CD36: variants seen among roughly 807,000 people sequenced by gnomAD.
CD36 encodes the protein platelet glycoprotein 4.
A neutral mutation model predicts 55.2 loss-of-function variants in CD36; 119 were observed. The ratio of observed to expected loss-of-function variants is 2.15; its 90% CI spans 1.86 to 2.51. The LOEUF (loss-of-function observed/expected upper bound fraction) is 2.51. Ranked by LOEUF, CD36 falls within the 30% of genes most tolerant of loss-of-function variation. The pLI is 0.00. For synonymous variants in CD36, 186 were observed against 193.6 expected, an observed-to-expected ratio of 0.96 and a Z score of 0.33; for missense variants, 819 against 555.5, an observed-to-expected ratio of 1.47 and a Z score of -4.77.
At chr7:80,670,549 C>T in intron 9 of CD36, 1 of 230,084 alleles carries the variant, frequency 4.3e-6, no homozygotes, top group Non-Finnish European at 8.6e-6. Flanking sequence ...GTATTGAACC[C>T]TATGATAGAC....
At chr7:80,608,029 C>T (rs1792665245) in intron 1 of CD36, among the ~76,000 whole-genome samples, 1 of 152,108 alleles carries the variant, frequency 6.6e-6, no homozygotes, top group Non-Finnish European at 1.5e-5. Context: ...CTCGGCCTCT[C>T]AAAGTGCTGG....
intron 3 of CD36, among the ~76,000 whole-genome samples, chr7:80,650,535 T>C (rs993813468): frequency 1.3e-5 from 2 of 152,178 alleles, no homozygotes; most frequent in Non-Finnish European, 2.9e-5. Context: ...GTTTTGGTAC[T>C]GTTGACTTCT....
chr7:80,653,354 T>C lies in CD36; in HGVS notation c.121-3186T>C, dbSNP rs17154209. Among the ~76,000 whole-genome samples, 1,277 of 152,344 alleles carry C rather than the reference T, an allele frequency of 8.4e-3. 58 individuals carry two copies. The East Asian group carries it at 0.1, about 12-fold the overall frequency. ...TAATGAAAGTTGTCAGTTATGTAGA[T>C]GATTATTGCTGTTGCATGAAAACAG... On this transcript the variant is annotated intron_variant, in intron 3 of 14. Coordinates refer to ENST00000447544, the MANE Select transcript of CD36 (RefSeq NM_001001548.3).
intron 3 of CD36, among the ~76,000 whole-genome samples, chr7:80,653,900 A>G (rs1358875816): frequency 6.6e-6 from 1 of 152,166 alleles, no homozygotes; most frequent in Non-Finnish European, 1.5e-5. Context: ...TGGAAACTAT[A>G]TAAAATTGAA....
Position 80,666,440 on chromosome 7 carries a change from T to C in CD36, c.702-3T>C. Reference sequence around the variant, plus strand: ...TTTATTCATTGTCTTTTTCTATTCCTAGGAATCTGTCCTATTGGGAAAGTC... The same window carrying C: ...TTTATTCATTGTCTTTTTCTATTCCCAGGAATCTGTCCTATTGGGAAAGTC... On this transcript the variant is annotated splice_polypyrimidine_tract_variant and splice_region_variant and intron_variant, in intron 7 of 14. Coordinates refer to ENST00000447544, the MANE Select transcript of CD36 (RefSeq NM_001001548.3). 1.3e-6 allele frequency: 2 copies of C among 1,588,220 alleles called. No homozygotes were observed. Among genetic ancestry groups the C allele is most frequent in the Non-Finnish European group, 1.7e-6 (2 of 1,157,066 alleles).
intron 1 of CD36, among the ~76,000 whole-genome samples, chr7:80,619,613 C>G (rs1208089306): frequency 1.4e-5 from 2 of 145,880 alleles, no homozygotes; most frequent in African/African-American, 5.1e-5. Flanking sequence ...CACCAGTGCA[C>G]TCCAGCCTGG....
chr7:80,628,046 C>T (rs550053085), intron 1 of CD36, among the ~76,000 whole-genome samples: 14 of 151,916 alleles, frequency 9.2e-5, no homozygotes, highest in South Asian at 8.3e-4. Context: ...GTCTATTAAA[C>T]ATAAAAAAAC....
At chr7:80,672,896 T>G in intron 12 of CD36, 53 bp downstream of exon 12, 1 of 1,154,218 alleles carries the variant, frequency 8.7e-7, no homozygotes, top group Non-Finnish European at 1.3e-6. Context: ...TCGTAGTATC[T>G]TCTTGTAAGA....
In CD36 at chr7:80,611,385, A is replaced by G. The variant is rs766907035; in HGVS notation, c.-184+9006A>G. ...CTCTCCTATTTCTTATCACTGTGGC[A>G]TCTTCTAATTTTTCTTCTTTGAGTT... On this transcript the variant is annotated intron_variant, in intron 1 of 13. Coordinates refer to the CD36 transcript ENST00000309881. Among the ~76,000 whole-genome samples, 3 of 152,108 alleles carry G rather than the reference A, an allele frequency of 2.0e-5. No homozygotes were observed. In the East Asian group the frequency reaches 5.8e-4, roughly 29 times the overall value.
rs776927712 is a variant in CD36 at position 80,661,152 on chromosome 7, C to A, written c.371C>A (p.Pro124His). The change falls in exon 5 of 15, where the codon CCT becomes CAT. Residue 124 changes from proline to histidine, a missense_variant. Physicochemically the swap from Pro to His is moderately conservative, Grantham distance 77. Transcript: ENST00000447544. ...FLQPNGAIFE[P>H]SLSVGTEADN... ...CAGCCCAATGGTGCCATCTTCGAAC[C>A]TTCACTATCAGTTGGAACAGAGGCT... is the stretch of plus-strand genomic sequence containing the variant. 6.2e-7 allele frequency: 1 copy of A among 1,613,968 alleles called. No homozygotes were observed. The highest frequency in any genetic ancestry group is 8.5e-7 in the Non-Finnish European group (1 of 1,179,876).
chr7:80,612,157 ATCCAATT>A (rs1039448338), intron 1 of CD36, among the ~76,000 whole-genome samples: 1 of 152,186 alleles, frequency 6.6e-6, no homozygotes, highest in Non-Finnish European at 1.5e-5. Flanking sequence ...CACACCTGAA[ATCCAATT>A]TCCACTACTT....
chr7:80,606,765 T>C (rs1792572285), intron 1 of CD36, among the ~76,000 whole-genome samples: 1 of 152,178 alleles, frequency 6.6e-6, no homozygotes, highest in Non-Finnish European at 1.5e-5. Context: ...AACCACAGCA[T>C]GCACAGTACT....
intron 3 of CD36, among the ~76,000 whole-genome samples, chr7:80,648,002 T>C (rs3211811): frequency 0.017 from 2,568 of 152,276 alleles, 72 homozygotes; most frequent in African/African-American, 0.058. Flanking sequence ...TCTGCAGATG[T>C]GGAACCCATG....
At chr7:80,649,086 A>C (rs865801856) in intron 3 of CD36, among the ~76,000 whole-genome samples, 32 of 152,154 alleles carry the variant, frequency 2.1e-4, no homozygotes, top group Non-Finnish European at 3.7e-4. Context: ...TAAAACCTGA[A>C]TTTAGAGATT....
chr7:80,659,218 T>C (rs1796331693), intron 4 of CD36, among the ~76,000 whole-genome samples: 1 of 152,204 alleles, frequency 6.6e-6, no homozygotes, highest in Admixed American at 6.5e-5. Flanking sequence ...TTTTCATAAC[T>C]AATTATACCC....
chr7:80,634,883 GGAATAAAAATGTAAACATTTCT>G (rs1164827078), upstream of CD36, among the ~76,000 whole-genome samples: 7 of 151,284 alleles, frequency 4.6e-5, no homozygotes, highest in African/African-American at 1.7e-4. Flanking sequence ...CAAAGTTTAT[GGAATAAAAATGTAAACATTTCT>G]GTAAGTTACA....
intron 14 of CD36, among the ~76,000 whole-genome samples, chr7:80,675,608 C>G (rs1199173280): frequency 6.6e-6 from 1 of 151,908 alleles, no homozygotes; most frequent in African/African-American, 2.4e-5. Flanking sequence ...CCCTTTTTTA[C>G]AAGCAGAGAA....
chr7:80,656,211 T>G (rs542686727), intron 3 of CD36, among the ~76,000 whole-genome samples: 10 of 152,280 alleles, frequency 6.6e-5, no homozygotes, highest in African/African-American at 2.4e-4. Context: ...TAAAATTTGC[T>G]TAATAAATTA....
In CD36 at chr7:80,670,967, CT is replaced by C; in HGVS notation, c.819-9del. ...TTCCTGGAATGCAGCTCTTTTTTCT[CT>C]GTATTTAGGTCAATCTATGCTGTAT... On this transcript the variant is annotated splice_polypyrimidine_tract_variant and intron_variant, in intron 9 of 14. Coordinates refer to ENST00000447544, the MANE Select transcript of CD36 (RefSeq NM_001001548.3). 1.2e-6 allele frequency: 2 copies of C among 1,600,788 alleles called. No individual in the cohort carries two copies. Among genetic ancestry groups the C allele is most frequent in the Non-Finnish European group, 1.7e-6 (2 of 1,168,804 alleles).
Sources: gnomAD v4.1 joint callset for allele counts (sites outside exome capture counted in the v4.1 genomes callset) on GRCh38, gnomAD v4.1.1 for gene constraint, MANE v1.5 for transcripts, NCBI Gene and HGNC (gene_info 2026-07-23, HGNC 2026-07-21) for gene names.